DCDC1: variants seen among roughly 807,000 people sequenced by gnomAD.
DCDC1 encodes the protein doublecortin domain containing 1.
Under a neutral mutation model 178.3 loss-of-function variants are expected in DCDC1, and 200 were observed. The observed-to-expected ratio is 1.12, with a 90% CI of 1.00 to 1.26. The LOEUF (loss-of-function observed/expected upper bound fraction) is 1.26, where lower values mean the gene tolerates loss of function less well. Among genes scored for constraint, DCDC1 ranks in the 50% most tolerant of loss-of-function variants. DCDC1 has a pLI of 0.00. For missense variants in DCDC1, 1,983 were observed against 1,749.2 expected, an observed-to-expected ratio of 1.13 and a Z score of -2.38; for synonymous variants, 690 against 604.8, an observed-to-expected ratio of 1.14 and a Z score of -2.07.
intron 38 of DCDC1, among the ~76,000 whole-genome samples, chr11:30,876,984 T>C (rs1186791072): frequency 6.6e-5 from 10 of 152,046 alleles, no homozygotes; most frequent in South Asian, 2.1e-4. Context: ...TTTTCTCCTA[T>C]ATGGCACACA....
At chr11:30,905,936 T>C (rs1029192451) in intron 30 of DCDC1, among the ~76,000 whole-genome samples, 9 of 152,148 alleles carry the variant, frequency 5.9e-5, no homozygotes, top group Non-Finnish European at 1.2e-4. Flanking sequence ...ATATTCCACC[T>C]TTTAGGAATC....
intron 20 of DCDC1, among the ~76,000 whole-genome samples, chr11:31,058,768 T>C (rs922780341): frequency 6.6e-6 from 1 of 152,096 alleles, no homozygotes; most frequent in African/African-American, 2.4e-5. Context: ...AGGACAAAGG[T>C]TGAAAGAGAT....
intron 27 of DCDC1, among the ~76,000 whole-genome samples, chr11:30,914,792 C>G (rs188715499): frequency 1.5e-4 from 23 of 152,190 alleles, no homozygotes; most frequent in Admixed American, 9.8e-4. Flanking sequence ...TCTAAGATAG[C>G]TTTTAATTTT....
rs372309006 is a variant in DCDC1, at chr11:30,931,760, G to A, written c.2897+11C>T. On this transcript the variant is annotated intron_variant, in intron 22 of 38. Transcript: ENST00000684477. Reference sequence around the variant, plus strand: ...AAGTGTATTTAATAAGTATGAACAAGTTGTTCTTACTGCGTTTTCCGTCCA... The same window carrying A: ...AAGTGTATTTAATAAGTATGAACAAATTGTTCTTACTGCGTTTTCCGTCCA... 1.2e-6 allele frequency: 2 copies of A among 1,605,174 alleles called. No individual in the cohort carries two copies. The highest frequency in any genetic ancestry group is 1.1e-5 in the South Asian group (1 of 89,748).
chr11:31,346,994 T>TA (rs1261057705), intron 1 of DCDC1, among the ~76,000 whole-genome samples: 1 of 152,240 alleles, frequency 6.6e-6, no homozygotes, highest in African/African-American at 2.4e-5. Context: ...TCCAACTATT[T>TA]AAGCTTATAA....
intron 1 of DCDC1, among the ~76,000 whole-genome samples, chr11:31,363,770 C>A (rs72888174): frequency 0.022 from 3,419 of 152,202 alleles, 65 homozygotes; most frequent in Middle Eastern, 0.034. Context: ...AAGTCAATTA[C>A]ATGACAAAAA....
intron 20 of DCDC1, among the ~76,000 whole-genome samples, chr11:31,045,274 A>G (rs1954761311): frequency 6.6e-6 from 1 of 151,904 alleles, no homozygotes; most frequent in Admixed American, 6.6e-5. Context: ...TTTAATTTTT[A>G]CTCTTCCTAC....
At position 30,911,235 on chromosome 11, in the gene DCDC1, G is replaced by T; in HGVS notation, c.3747+92C>A. The T allele has an allele frequency of 5.0e-6, 4 of 804,788 alleles. 1 individual carries two copies. The South Asian group carries it at 5.6e-5, about 11-fold the overall frequency. The allele number at this position is 804,788 out of a possible 1,614,324, so 49.9% of individuals were successfully genotyped here. On this transcript the variant is annotated intron_variant, in intron 28 of 38. Transcript: ENST00000684477. ...AACATTCAAATAGGATTCTATGACA[G>T]TTTTTTTTTTTCCTCCACTACAAGG...
At chr11:30,999,162 T>C (rs1408224542) in intron 20 of DCDC1, among the ~76,000 whole-genome samples, 1 of 152,172 alleles carries the variant, frequency 6.6e-6, no homozygotes, top group Non-Finnish European at 1.5e-5. Context: ...GAGACACAAC[T>C]ACTGAAGGCA....
At chr11:31,056,839 G>C (rs183248913) in intron 20 of DCDC1, among the ~76,000 whole-genome samples, 1 of 152,126 alleles carries the variant, frequency 6.6e-6, no homozygotes, top group Admixed American at 6.5e-5. Context: ...GAAATATACA[G>C]AACACTGCAC....
At chr11:30,943,042 T>TGA (rs1947763900) in intron 21 of DCDC1, among the ~76,000 whole-genome samples, 1 of 152,102 alleles carries the variant, frequency 6.6e-6, no homozygotes, top group Non-Finnish European at 1.5e-5. Flanking sequence ...GAGTGCTGGT[T>TGA]CTTCTCCCTC....
chr11:30,967,523 A>C (rs1373260326), intron 20 of DCDC1, among the ~76,000 whole-genome samples: 1 of 152,216 alleles, frequency 6.6e-6, no homozygotes, highest in Non-Finnish European at 1.5e-5. Flanking sequence ...ACAGACAAAC[A>C]GAGAGATATC....
chr11:30,982,738 T>C (rs2134818573), intron 20 of DCDC1, among the ~76,000 whole-genome samples: 1 of 152,294 alleles, frequency 6.6e-6, no homozygotes, highest in East Asian at 1.9e-4. Context: ...TTCATTTTTT[T>C]CTACTGATGC....
chr11:31,177,573 T>C (rs561754099), intron 9 of DCDC1, among the ~76,000 whole-genome samples: 4 of 152,024 alleles, frequency 2.6e-5, no homozygotes, highest in East Asian at 3.9e-4. Flanking sequence ...CTAAAACATA[T>C]AGAGTGGCTG....
At chr11:31,213,364 A>C (rs934362088) in intron 9 of DCDC1, among the ~76,000 whole-genome samples, 2 of 151,800 alleles carry the variant, frequency 1.3e-5, no homozygotes, top group African/African-American at 2.4e-5. Context: ...TCTATTTATC[A>C]ATTTGTTTAA....
chr11:31,225,714 T>C (rs1326081827), intron 9 of DCDC1, among the ~76,000 whole-genome samples: 1 of 150,520 alleles, frequency 6.6e-6, no homozygotes, highest in Non-Finnish European at 1.5e-5. Flanking sequence ...TCTAGGTAGA[T>C]ATATATCTAT....
chr11:31,119,088 A>G (rs1960407199), intron 11 of DCDC1, among the ~76,000 whole-genome samples: 1 of 152,176 alleles, frequency 6.6e-6, no homozygotes, highest in Non-Finnish European at 1.5e-5. Context: ...GATGGAAAAG[A>G]GCGCTGCAAA....
chr11:31,354,549 C>A (rs975461997), intron 1 of DCDC1, among the ~76,000 whole-genome samples: 1 of 152,114 alleles, frequency 6.6e-6, no homozygotes, highest in African/African-American at 2.4e-5. Context: ...TAACTGGGGG[C>A]ATGAATATAG....
At chr11:31,015,918 C>T (rs548009316) in intron 20 of DCDC1, among the ~76,000 whole-genome samples, 3 of 152,286 alleles carry the variant, frequency 2.0e-5, no homozygotes, top group East Asian at 1.9e-4. Flanking sequence ...ATCATCTAAG[C>T]TGTTAAATGT....
Sources: gnomAD v4.1 joint callset for allele counts (sites outside exome capture counted in the v4.1 genomes callset) on GRCh38, gnomAD v4.1.1 for gene constraint, MANE v1.5 for transcripts, NCBI Gene and HGNC (gene_info 2026-07-23, HGNC 2026-07-21) for gene names.